NFIB: variants seen among roughly 807,000 people sequenced by gnomAD.
NFIB encodes nuclear factor I B, also known as nuclear factor 1 B-type.
NFIB carries 11 observed loss-of-function variants against 61.5 expected under a neutral mutation model. The ratio of observed to expected loss-of-function variants is 0.18; its 90% CI spans 0.11 to 0.30. The LOEUF is 0.30. Ranked by LOEUF, NFIB falls within the 10% of genes least tolerant of loss-of-function variation. The pLI, the probability that NFIB is intolerant of heterozygous loss-of-function variation, is 1.00. For synonymous variants in NFIB, 260 were observed against 216.5 expected (o/e 1.20, Z -1.76); for missense variants, 471 against 608.9 (o/e 0.77, Z 2.38).
chr9:14,371,182 C>G (rs528000422), intron 1 of NFIB, among the ~76,000 whole-genome samples: 1 of 152,278 alleles, frequency 6.6e-6, no homozygotes, highest in Admixed American at 6.5e-5. Flanking sequence ...TGCCAGAGGA[C>G]CAACCTTTTC....
chr9:14,142,476 G>A (rs907498725), intron 6 of NFIB, among the ~76,000 whole-genome samples: 1 of 152,064 alleles, frequency 6.6e-6, no homozygotes, highest in African/African-American at 2.4e-5. Context: ...CTAACACACT[G>A]AGCAACGGAA....
the NFIB span, among the ~76,000 whole-genome samples, chr9:14,434,769 A>G: frequency 6.6e-6 from 1 of 152,240 alleles, no homozygotes; most frequent in Non-Finnish European, 1.5e-5. Flanking sequence ...AGTAGTAAGT[A>G]GTCTACACAA....
chr9:14,196,568 C>T (rs1238060419), intron 2 of NFIB, among the ~76,000 whole-genome samples: 1 of 151,812 alleles, frequency 6.6e-6, no homozygotes, highest in African/African-American at 2.4e-5. Flanking sequence ...AATCAAACAA[C>T]AGTAATTAGG....
intron 2 of NFIB, among the ~76,000 whole-genome samples, chr9:14,216,469 T>G (rs1181130290): frequency 6.6e-6 from 1 of 151,500 alleles, no homozygotes; most frequent in Non-Finnish European, 1.5e-5. Context: ...TATCCACAGG[T>G]AAGAAGGAAG....
rs1433718988 is a variant in NFIB, at chr9:14,102,322, T to C, written c.1467+10677A>G. ...GAATGGCATAGCCAAAACAACTAAA[T>C]TTTTAACATATATTTTCTGTAAAGC... On this transcript the variant is annotated intron_variant, in intron 10 of 10. Coordinates refer to ENST00000380953, the MANE Select transcript of NFIB (RefSeq NM_001190737.2). 16 of 1,051,162 alleles carry C rather than the reference T, an allele frequency of 1.5e-5. No individual in the cohort carries two copies. In the Admixed American group the frequency reaches 2.7e-4, roughly 18 times the overall value. The allele number at this position is 1,051,162 out of a possible 1,614,324, so 65.1% of individuals were successfully genotyped here.
chr9:14,329,375 G>A (rs2060793872), intron 1 of NFIB, among the ~76,000 whole-genome samples: 1 of 152,010 alleles, frequency 6.6e-6, no homozygotes, highest in Non-Finnish European at 1.5e-5. Flanking sequence ...CTCCTTTATA[G>A]ACTGAAATGT....
intron 10 of NFIB, among the ~76,000 whole-genome samples, chr9:14,111,565 A>G (rs571879854): frequency 6.6e-6 from 1 of 152,334 alleles, no homozygotes; most frequent in East Asian, 1.9e-4. Context: ...CTAAACTTAT[A>G]CATCCTGCAT....
chr9:14,433,251 T>G, the NFIB span, among the ~76,000 whole-genome samples: 1 of 152,168 alleles, frequency 6.6e-6, no homozygotes, highest in African/African-American at 2.4e-5. Context: ...CAAACCCCAG[T>G]CTTTTGGAAA....
chr9:14,374,995 G>T (rs2061400719), intron 1 of NFIB, among the ~76,000 whole-genome samples: 1 of 152,206 alleles, frequency 6.6e-6, no homozygotes, highest in African/African-American at 2.4e-5. Context: ...GTTTAGGAAT[G>T]ATGATGAATG....
chr9:14,129,265 T>C (rs1158048461), intron 6 of NFIB, among the ~76,000 whole-genome samples: 2 of 152,042 alleles, frequency 1.3e-5, no homozygotes, highest in Non-Finnish European at 1.5e-5. Context: ...ATAGGTTTAA[T>C]TGCCTTTGTT....
At chr9:14,392,083 A>G (rs1279232762) in intron 1 of NFIB, among the ~76,000 whole-genome samples, 1 of 152,198 alleles carries the variant, frequency 6.6e-6, no homozygotes, top group African/African-American at 2.4e-5. Flanking sequence ...GAAACATTCT[A>G]TACAATACCT....
intron 2 of NFIB, among the ~76,000 whole-genome samples, chr9:14,192,310 T>C (rs1440627016): frequency 6.6e-6 from 1 of 152,214 alleles, no homozygotes; most frequent in Non-Finnish European, 1.5e-5. Flanking sequence ...AAAAAATTAG[T>C]AACTCAACAC....
the NFIB span, among the ~76,000 whole-genome samples, chr9:14,472,436 G>C: frequency 2.0e-5 from 3 of 152,306 alleles, no homozygotes; most frequent in African/African-American, 7.2e-5. Flanking sequence ...CAATTGTACA[G>C]TGATTTTATG....
chr9:14,427,021 GC>G, the NFIB span, among the ~76,000 whole-genome samples: 1 of 152,094 alleles, frequency 6.6e-6, no homozygotes, highest in Non-Finnish European at 1.5e-5. Context: ...CTACTCCATG[GC>G]CCCTTTCAGG....
chr9:14,152,618 T>C (rs1249157302), intron 4 of NFIB, among the ~76,000 whole-genome samples: 1 of 152,124 alleles, frequency 6.6e-6, no homozygotes, highest in Non-Finnish European at 1.5e-5. Context: ...TAGGCAAAGA[T>C]TTATAGTTTC....
intron 6 of NFIB, among the ~76,000 whole-genome samples, chr9:14,143,394 G>T (rs2041961172): frequency 6.6e-6 from 1 of 151,864 alleles, no homozygotes; most frequent in Non-Finnish European, 1.5e-5. Context: ...AAATCTCAAT[G>T]GTTTAGGTTG....
intron 2 of NFIB, among the ~76,000 whole-genome samples, chr9:14,221,671 C>G (rs1447033131): frequency 6.6e-6 from 1 of 152,174 alleles, no homozygotes. Context: ...TTTTAACAGC[C>G]AGGGTAAGAC....
At chr9:14,530,832 G>A in the NFIB span, among the ~76,000 whole-genome samples, 4 of 151,742 alleles carry the variant, frequency 2.6e-5, no homozygotes, top group African/African-American at 9.7e-5. Flanking sequence ...AACGGCCCTT[G>A]TAGTAAGCAC....
chr9:14,198,227 G>A (rs564421976), intron 2 of NFIB, among the ~76,000 whole-genome samples: 4 of 152,224 alleles, frequency 2.6e-5, no homozygotes, highest in East Asian at 3.9e-4. Flanking sequence ...CACACTGCAC[G>A]TCTCCAAGGA....
Sources: allele counts gnomAD v4.1 joint callset (sites outside exome capture counted in the v4.1 genomes callset), GRCh38; gene constraint gnomAD v4.1.1; transcripts MANE v1.5; gene names NCBI Gene and HGNC (gene_info 2026-07-23, HGNC 2026-07-21).